AHI1: variants seen among roughly 807,000 people sequenced by gnomAD.
AHI1 encodes jouberin.
In AHI1, 123 loss-of-function variants were observed where a neutral mutation model predicts 149.3. That is an observed-to-expected ratio of 0.82 (90% CI 0.71 to 0.96). The LOEUF (loss-of-function observed/expected upper bound fraction) is 0.96, where lower values mean the gene tolerates loss of function less well. Ranked by LOEUF, AHI1 falls within the 40% of genes least tolerant of loss-of-function variation. The probability of loss-of-function intolerance (pLI) is 0.00; values close to 1 mark genes in which losing one functional copy is unlikely to be tolerated. For synonymous variants in AHI1, 475 were observed against 459.8 expected (o/e 1.03, Z -0.42); for missense variants, 1,439 against 1,422.7 (o/e 1.01, Z -0.18).
intron 24 of AHI1, among the ~76,000 whole-genome samples, chr6:135,332,262 G>T (rs1244619747): frequency 6.6e-6 from 1 of 152,068 alleles, no homozygotes; most frequent in African/African-American, 2.4e-5. Flanking sequence ...TAGAGATGGG[G>T]TTTCACCACG....
Position 135,465,839 on chromosome 6 carries a change from G to A in AHI1, c.724C>T (p.Pro242Ser), listed in dbSNP as rs143522987. The A allele has an allele frequency of 6.8e-4, 1,001 of 1,479,658 alleles. 11 individuals carry two copies. The African/African-American group carries it at 0.01, about 15-fold the overall frequency. 91.7% of individuals were successfully genotyped at this position (1,479,658 alleles called of 1,614,324 possible). The change falls in exon 7 of 29, where the codon CCA (proline) becomes TCA (serine). Residue 242 changes from proline (P) to serine (S), a missense_variant. Pro to Ser is a moderately conservative substitution (Grantham distance 74). Coordinates refer to ENST00000265602, the MANE Select transcript of AHI1 (RefSeq NM_001134831.2). ...SEKRKKKKEVPVFSKAETSTL... is the reference protein window; with the variant it reads ...SEKRKKKKEVSVFSKAETSTL... ...CTTGTTTCAGCTTTAGAGAAGACTGGAACTTCCTTTTTCTTTTTCCTTTTT... is the reference window on the plus strand; with the variant it reads ...CTTGTTTCAGCTTTAGAGAAGACTGAAACTTCCTTTTTCTTTTTCCTTTTT...
At chr6:135,444,508 C>T (rs1345742493) in intron 13 of AHI1, among the ~76,000 whole-genome samples, 1 of 152,092 alleles carries the variant, frequency 6.6e-6, no homozygotes, top group Non-Finnish European at 1.5e-5. Context: ...TATGAAATAC[C>T]CGCCCTTGTC....
At chr6:135,351,159 A>G (rs1237946354) in intron 24 of AHI1, among the ~76,000 whole-genome samples, 1 of 151,656 alleles carries the variant, frequency 6.6e-6, no homozygotes, top group African/African-American at 2.4e-5. Context: ...AAAAAAAAAG[A>G]AAGAAAATTG....
At chr6:135,336,451 A>T (rs977239746) in intron 24 of AHI1, among the ~76,000 whole-genome samples, 2 of 151,994 alleles carry the variant, frequency 1.3e-5, no homozygotes, top group Non-Finnish European at 2.9e-5. Flanking sequence ...TACAAAAATT[A>T]ACCAGGCATG....
chr6:135,414,882 T>C (rs1782118751), intron 20 of AHI1, among the ~76,000 whole-genome samples: 1 of 151,830 alleles, frequency 6.6e-6, no homozygotes, highest in Non-Finnish European at 1.5e-5. Flanking sequence ...GTTACATATG[T>C]ATACATGTGC....
intron 26 of AHI1, among the ~76,000 whole-genome samples, chr6:135,304,621 A>G (rs1330791221): frequency 2.0e-5 from 3 of 151,822 alleles, no homozygotes. Flanking sequence ...AAATGCAAAA[A>G]TTAGCCGGGT....
chr6:135,390,620 A>C (rs1405482815), intron 23 of AHI1, among the ~76,000 whole-genome samples: 1 of 151,986 alleles, frequency 6.6e-6, no homozygotes, highest in African/African-American at 2.4e-5. Context: ...TGGTATGGTG[A>C]GGATAAGAAG....
At chr6:135,483,632 C>A (rs1484817599) in intron 5 of AHI1, among the ~76,000 whole-genome samples, 2 of 152,090 alleles carry the variant, frequency 1.3e-5, no homozygotes, top group South Asian at 4.1e-4. Context: ...TTTATTTGTT[C>A]CAGTTACTAT....
At chr6:135,480,538 C>A (rs1308294714) in intron 5 of AHI1, among the ~76,000 whole-genome samples, 2 of 152,096 alleles carry the variant, frequency 1.3e-5, no homozygotes, top group African/African-American at 2.4e-5. Flanking sequence ...GTGGGTCTTA[C>A]AGTCTGAACA....
intron 23 of AHI1, among the ~76,000 whole-genome samples, chr6:135,361,775 T>C (rs985584768): frequency 1.3e-5 from 2 of 152,136 alleles, no homozygotes; most frequent in Non-Finnish European, 2.9e-5. Context: ...GTTTCATTTA[T>C]ATATATGTAT....
At chr6:135,344,150 A>G (rs1297660992) in intron 24 of AHI1, among the ~76,000 whole-genome samples, 1 of 151,930 alleles carries the variant, frequency 6.6e-6, no homozygotes, top group Admixed American at 6.6e-5. Flanking sequence ...TACCTAATAC[A>G]ATGTAAATGC....
At chr6:135,362,227 G>A (rs1012862586) in intron 23 of AHI1, among the ~76,000 whole-genome samples, 2 of 152,090 alleles carry the variant, frequency 1.3e-5, no homozygotes, top group African/African-American at 4.8e-5. Context: ...TTTTGCAATT[G>A]CAAATTGTGC....
At chr6:135,451,064 A>G (rs1337345448) in intron 11 of AHI1, among the ~76,000 whole-genome samples, 1 of 151,630 alleles carries the variant, frequency 6.6e-6, no homozygotes, top group African/African-American at 2.4e-5. Flanking sequence ...TGGTACAATC[A>G]CAGGTCACTA....
chr6:135,334,994 A>AC (rs1789162964), intron 24 of AHI1, among the ~76,000 whole-genome samples: 1 of 152,218 alleles, frequency 6.6e-6, no homozygotes, highest in African/African-American at 2.4e-5. Context: ...ACTTTATTTT[A>AC]CTGGTCTACT....
intron 17 of AHI1, 120 bp from the exon 18 acceptor site, chr6:135,430,120 T>C (rs930413984): frequency 2.8e-5 from 16 of 564,516 alleles, no homozygotes; most frequent in South Asian, 5.0e-5. Flanking sequence ...TGCTTTAAAA[T>C]TGTTAGCAAA....
chr6:135,453,912 G>T (rs1488820999), intron 10 of AHI1, among the ~76,000 whole-genome samples: 1 of 152,110 alleles, frequency 6.6e-6, no homozygotes, highest in Middle Eastern at 3.4e-3. Flanking sequence ...CCTCTATCCT[G>T]TCTGGACATT....
intron 24 of AHI1, among the ~76,000 whole-genome samples, chr6:135,344,266 G>A (rs1049585274): frequency 2.6e-5 from 4 of 151,086 alleles, no homozygotes; most frequent in South Asian, 4.2e-4. Context: ...CTACAGACAC[G>A]GAGGGCTAAA....
intron 24 of AHI1, among the ~76,000 whole-genome samples, chr6:135,324,404 C>A (rs958886043): frequency 6.7e-6 from 1 of 148,808 alleles, no homozygotes; most frequent in African/African-American, 2.6e-5. Context: ...AGATTTAGAT[C>A]TGATACACTG....
intron 13 of AHI1, among the ~76,000 whole-genome samples, chr6:135,444,264 T>C (rs1449720778): frequency 6.6e-6 from 1 of 152,172 alleles, no homozygotes; most frequent in Non-Finnish European, 1.5e-5. Context: ...CCTGCATTAA[T>C]TCATCCTCAA....
Sources: allele counts gnomAD v4.1 joint callset (sites outside exome capture counted in the v4.1 genomes callset), GRCh38; gene constraint gnomAD v4.1.1; transcripts MANE v1.5; gene names NCBI Gene and HGNC (gene_info 2026-07-23, HGNC 2026-07-21).